NHS: variants seen among roughly 807,000 people sequenced by gnomAD.
NHS encodes the protein actin remodeling regulator NHS.
In NHS, 5 loss-of-function variants were observed where a neutral mutation model predicts 72.5. The ratio of observed to expected loss-of-function variants is 0.07; its 90% CI spans 0.04 to 0.14. The LOEUF is 0.14. NHS is among the 10% of genes least tolerant of loss of function. The probability of loss-of-function intolerance (pLI) is 1.00; values close to 1 mark genes in which losing one functional copy is unlikely to be tolerated. For missense variants in NHS, 1,072 were observed against 1,355.7 expected, an observed-to-expected ratio of 0.79 and a Z score of 3.29; for synonymous variants, 464 against 547.7, an observed-to-expected ratio of 0.85 and a Z score of 2.13.
At chrX:17,401,139 G>A (rs1261556966) in intron 1 of NHS, among the ~76,000 whole-genome samples, 1 of 111,966 alleles carries the variant, frequency 8.9e-6, no homozygotes, top group African/African-American at 3.2e-5. Context: ...TCAATGGGGG[G>A]AAACAATAGT....
chrX:17,494,205 A>G (rs2065003159), intron 1 of NHS, among the ~76,000 whole-genome samples: 1 of 103,948 alleles, frequency 9.6e-6, no homozygotes, highest in African/African-American at 3.6e-5. Context: ...CAGTCTCCCC[A>G]GTAGTTGGGA....
rs545119979 is a variant in NHS, at chrX:17,729,694, C to G, written c.4349+919C>G. 8.2e-4 allele frequency among the ~76,000 whole-genome samples: 92 copies of G among 111,882 alleles called. No individual in the cohort carries two copies. The South Asian group carries it at 0.033, about 41-fold the overall frequency. ...TTCCTTATAGCTAATGACCAAAGAA[C>G]AGAACAGGAACTAGCCCTTGGACAC... is the stretch of plus-strand genomic sequence containing the variant. On this transcript the variant is annotated intron_variant, in intron 8 of 8. Coordinates refer to ENST00000676302, the MANE Select transcript of NHS (RefSeq NM_001291867.2).
intron 1 of NHS, among the ~76,000 whole-genome samples, chrX:17,567,568 T>G: frequency 9.0e-6 from 1 of 110,516 alleles, no homozygotes; most frequent in East Asian, 2.8e-4. Flanking sequence ...AATGGATGGG[T>G]TTTGGGGCTT....
rs1335355293 is a variant in NHS at position 17,717,117 on chromosome X, G to A, written c.853-2227G>A. On this transcript the variant is annotated intron_variant, in intron 3 of 8. Coordinates refer to ENST00000676302, the MANE Select transcript of NHS (RefSeq NM_001291867.2). ...CGAGTAGCTGGGATTACAGGCATGC[G>A]CCACCACGCCTGGCTAATTTTGTAT... Among the ~76,000 whole-genome samples, 8 of 110,518 alleles carry A rather than the reference G, an allele frequency of 7.2e-5. No individual in the cohort carries two copies. In the South Asian group the frequency reaches 1.2e-3, roughly 16 times the overall value.
In NHS at chrX:17,735,717, A is replaced by AAAC. The variant is rs1160832769; in HGVS notation, c.*3253_*3254insAAC. 13 of 112,999 alleles carry AAAC rather than the reference A, an allele frequency of 1.2e-4. No homozygotes were observed. Among genetic ancestry groups the AAAC allele is most frequent in the Admixed American group, 9.3e-4 (10 of 10,714 alleles). 9.3% of individuals were successfully genotyped at this position (112,999 alleles called of 1,213,427 possible). On this transcript the variant is annotated 3_prime_UTR_variant, in exon 9 of 9. Transcript: ENST00000676302. ...ATGCTGGCCGAAACGACAATGGTTT[A>AAAC]TGGACTTGCATCCATTTTGTATTTT... is the stretch of plus-strand genomic sequence containing the variant.
intron 8 of NHS, 45 bp from the exon 9 acceptor site, chrX:17,731,813 G>A (rs372943849): frequency 2.6e-6 from 3 of 1,156,207 alleles, no homozygotes; most frequent in Non-Finnish European, 3.4e-6. Context: ...TCATAAAAAC[G>A]TGAACTGAGT....
At chrX:17,665,569 C>T (rs192592509) in intron 1 of NHS, among the ~76,000 whole-genome samples, 2 of 110,134 alleles carry the variant, frequency 1.8e-5, no homozygotes, top group East Asian at 2.9e-4. Context: ...CCTCGTGATC[C>T]ACCCGCCTCG....
At chrX:17,503,476 GTGATATAGACTA>G (rs1282354238) in intron 1 of NHS, among the ~76,000 whole-genome samples, 3 of 111,501 alleles carry the variant, frequency 2.7e-5, no homozygotes, top group Non-Finnish European at 5.6e-5. Context: ...ACAATCCTAT[GTGATATAGACTA>G]CTGCTATCTT....
chrX:17,459,748 G>A (rs1028767620), intron 1 of NHS, among the ~76,000 whole-genome samples: 1 of 112,009 alleles, frequency 8.9e-6, no homozygotes, highest in African/African-American at 3.2e-5. Context: ...ACAAGGATGT[G>A]TGGGTTTTTG....
chrX:17,563,196 G>T (rs2065424451), intron 1 of NHS, among the ~76,000 whole-genome samples: 1 of 112,816 alleles, frequency 8.9e-6, no homozygotes, highest in African/African-American at 3.2e-5. Context: ...AACCTGTTTG[G>T]TCAAGCTAGC....
intron 1 of NHS, among the ~76,000 whole-genome samples, chrX:17,407,473 T>C (rs1208168842): frequency 1.8e-5 from 2 of 111,544 alleles, no homozygotes; most frequent in African/African-American, 6.5e-5. Context: ...TTAGGTCTCT[T>C]GAATGAGGCT....
intron 1 of NHS, among the ~76,000 whole-genome samples, chrX:17,629,462 G>C (rs2065814896): frequency 9.0e-6 from 1 of 111,544 alleles, no homozygotes; most frequent in South Asian, 3.8e-4. Flanking sequence ...TAGTGGTATG[G>C]AGTACTATGT....
intron 1 of NHS, among the ~76,000 whole-genome samples, chrX:17,382,868 G>T (rs1191422856): frequency 8.9e-6 from 1 of 111,995 alleles, no homozygotes; most frequent in Non-Finnish European, 1.9e-5. Context: ...GTTTTGTACT[G>T]GCTTATGGAC....
chrX:17,731,576 T>C (rs983744233), intron 8 of NHS, among the ~76,000 whole-genome samples: 1 of 111,130 alleles, frequency 9.0e-6, no homozygotes, highest in Admixed American at 9.6e-5. Flanking sequence ...CAAAGTATCC[T>C]CTAGAACCTC....
intron 1 of NHS, among the ~76,000 whole-genome samples, chrX:17,509,758 G>T (rs776492581): frequency 8.9e-6 from 1 of 111,873 alleles, no homozygotes; most frequent in East Asian, 2.8e-4. Context: ...CTATGGCCTT[G>T]TTGCCTCTCC....
intron 1 of NHS, among the ~76,000 whole-genome samples, chrX:17,597,116 GTTTT>G (rs59820959): frequency 1.2e-3 from 102 of 83,249 alleles, no homozygotes; most frequent in African/African-American, 4.8e-3. Flanking sequence ...CTATTCTTCC[GTTTT>G]TTTTTTTTTT....
At chrX:17,611,860 A>G (rs2065713091) in intron 1 of NHS, among the ~76,000 whole-genome samples, 1 of 112,006 alleles carries the variant, frequency 8.9e-6, no homozygotes, top group Non-Finnish European at 1.9e-5. Context: ...CCACGGAAGC[A>G]AAGATGTCAG....
chrX:17,638,470 A>C (rs1266232395), intron 1 of NHS, among the ~76,000 whole-genome samples: 1 of 112,187 alleles, frequency 8.9e-6, no homozygotes, highest in Non-Finnish European at 1.9e-5. Flanking sequence ...TAGCTTTGGT[A>C]ATTTCCATTG....
intron 1 of NHS, among the ~76,000 whole-genome samples, chrX:17,634,018 T>A (rs1288942158): frequency 1.8e-5 from 2 of 111,973 alleles, no homozygotes; most frequent in Middle Eastern, 4.2e-3. Context: ...CATCTCTGGC[T>A]GACCTTCCCT....
Sources: allele counts gnomAD v4.1 joint callset (sites outside exome capture counted in the v4.1 genomes callset), GRCh38; gene constraint gnomAD v4.1.1; transcripts MANE v1.5; gene names NCBI Gene and HGNC (gene_info 2026-07-23, HGNC 2026-07-21).